Variants in PIEZO2 observed in about 807,000 individuals in gnomAD.
PIEZO2 encodes piezo-type mechanosensitive ion channel component 2.
In PIEZO2, 172 loss-of-function variants were observed where a neutral mutation model predicts 337.3. That is an observed-to-expected ratio of 0.51 (90% CI 0.45 to 0.58). PIEZO2 has a LOEUF of 0.58. Among genes scored for constraint, PIEZO2 ranks in the 20% least tolerant of loss-of-function variants. PIEZO2 has a pLI of 0.00. For missense variants in PIEZO2, 3,028 were observed against 3,391.3 expected, an observed-to-expected ratio of 0.89 and a Z score of 2.66; for synonymous variants, 1,251 against 1,228.5, an observed-to-expected ratio of 1.02 and a Z score of -0.38.
intron 7 of PIEZO2, among the ~76,000 whole-genome samples, chr18:10,811,380 C>A (rs1216886009): frequency 6.6e-6 from 1 of 152,150 alleles, no homozygotes; most frequent in Non-Finnish European, 1.5e-5. Context: ...TGTCTTGTCA[C>A]CTTGCGTTTA....
chr18:10,787,266 T>C, intron 15 of PIEZO2, 82 bp from the exon 16 acceptor site: 1 of 1,257,206 alleles, frequency 8.0e-7, no homozygotes, highest in Non-Finnish European at 1.1e-6. Flanking sequence ...TTAATTCAAG[T>C]AAGACAAGTG....
chr18:10,806,906 G>A lies in PIEZO2; in HGVS notation c.1080+206C>T, dbSNP rs184068852. 4.3e-3 allele frequency among the ~76,000 whole-genome samples: 658 copies of A among 152,296 alleles called. 4 individuals carry two copies. The highest frequency in any genetic ancestry group is 0.016 in the Admixed American group (242 of 15,296). The stretch of plus-strand genomic sequence containing the variant: ...TGCCTGCCATTCTTACCAGCAGTTT[G>A]TGGTAGTAAAGGGAAGCTAGTCTTT... On this transcript the variant is annotated intron_variant, in intron 8 of 55. Coordinates refer to ENST00000674853, the MANE Select transcript of PIEZO2 (RefSeq NM_001378183.1).
In PIEZO2 at chr18:11,101,404, T is replaced by C. The variant is rs2039414728; in HGVS notation, c.65-35182A>G. Among the ~76,000 whole-genome samples, 1 of 152,210 alleles carries C rather than the reference T, an allele frequency of 6.6e-6. No individual in the cohort carries two copies. Among genetic ancestry groups the C allele is most frequent in the Non-Finnish European group, 1.5e-5 (1 of 68,042 alleles). On this transcript the variant is annotated intron_variant, in intron 1 of 55. Coordinates refer to ENST00000674853, the MANE Select transcript of PIEZO2 (RefSeq NM_001378183.1). The surrounding 1 kb of genome is among the most constrained non-coding windows in gnomAD (Gnocchi z 4.4). ...GAAACGGAAGTGGTTCCCTTAAAGT[T>C]ATAGGATAACATAAAAAACCTCTGT...
chr18:10,788,505 G>GT (rs201900272), intron 15 of PIEZO2, among the ~76,000 whole-genome samples: 2 of 30,744 alleles, frequency 6.5e-5, no homozygotes, highest in African/African-American at 1.9e-4. Context: ...CAATTTTACA[G>GT]ATTTTTTTTG....
Position 10,724,705 on chromosome 18 carries a change from C to T in PIEZO2, c.5030-6446G>A, listed in dbSNP as rs1482064960. The T allele has an allele frequency of 1.5e-6, 2 of 1,292,160 alleles. No individual in the cohort carries two copies. The highest frequency in any genetic ancestry group is 2.2e-6 in the Non-Finnish European group (2 of 927,054). 80.0% of individuals were successfully genotyped at this position (1,292,160 alleles called of 1,614,324 possible). ...GCTGTCCCTGCGTCATAGGCTGAAG[C>T]ACTCAGACCGAGATGGGCCACCACT... On this transcript the variant is annotated intron_variant, in intron 36 of 55. Transcript: ENST00000674853. The surrounding 1 kb of genome is among the most constrained non-coding windows in gnomAD (Gnocchi z 5.8).
In PIEZO2 at chr18:10,980,131, A is replaced by G. The variant is rs2034609928; in HGVS notation, c.161-471T>C. Among the ~76,000 whole-genome samples the G allele has an allele frequency of 2.0e-5, 3 of 152,026 alleles. No homozygotes were observed. The highest frequency in any genetic ancestry group is 2.0e-4 in the Admixed American group (3 of 15,266). The stretch of plus-strand genomic sequence containing the variant: ...ATTATAACCCCATGTTACTCATAAC[A>G]TAGATATGAATTATTTTTTTTAAAT... On this transcript the variant is annotated intron_variant, in intron 2 of 55. Coordinates refer to ENST00000674853, the MANE Select transcript of PIEZO2 (RefSeq NM_001378183.1). The surrounding 1 kb of genome is among the most constrained non-coding windows in gnomAD (Gnocchi z 4.8).
At chr18:11,060,510 C>T (rs1293222738) in intron 2 of PIEZO2, among the ~76,000 whole-genome samples, 2 of 151,914 alleles carry the variant, frequency 1.3e-5, no homozygotes, top group African/African-American at 4.8e-5. Flanking sequence ...AGACTGCTAG[C>T]AAGACTAATA....
chr18:10,888,239 T>C lies in PIEZO2; in HGVS notation c.330-16824A>G, dbSNP rs2042663438. On this transcript the variant is annotated intron_variant, in intron 4 of 55. Coordinates refer to ENST00000674853, the MANE Select transcript of PIEZO2 (RefSeq NM_001378183.1). The surrounding 1 kb of genome is among the most constrained non-coding windows in gnomAD (Gnocchi z 4.1). Reference sequence around the variant, plus strand: ...TCAGTGTGGATGCATGAACTTCTCTTTTATTAGATAGACTGTATTTGAAAC... The same window carrying C: ...TCAGTGTGGATGCATGAACTTCTCTCTTATTAGATAGACTGTATTTGAAAC... 6.6e-6 allele frequency among the ~76,000 whole-genome samples: 1 copy of C among 152,184 alleles called. No homozygotes were observed. Among genetic ancestry groups the C allele is most frequent in the Admixed American group, 6.5e-5 (1 of 15,282 alleles).
At chr18:11,103,107 T>C (rs1281860056) in intron 1 of PIEZO2, among the ~76,000 whole-genome samples, 2 of 152,080 alleles carry the variant, frequency 1.3e-5, no homozygotes, top group African/African-American at 4.8e-5. Flanking sequence ...TTCTTGACAA[T>C]GAGAGGGGAG....
rs1408217258 is a variant in PIEZO2, at chr18:10,870,835, G to A, written c.492+418C>T. Among the ~76,000 whole-genome samples the A allele has an allele frequency of 2.6e-5, 4 of 152,168 alleles. No homozygotes were observed. The highest frequency in any genetic ancestry group is 9.7e-5 in the African/African-American group (4 of 41,422). ...TGAGCAGGACAAGGTGCACAGACTG[G>A]AAAGCTGCCCTGCAAGGAGGAACTC... On this transcript the variant is annotated intron_variant, in intron 5 of 55. Transcript: ENST00000674853. This position sits in a 1 kb window ranked among gnomAD's most constrained non-coding sequence, Gnocchi z 5.3.
intron 36 of PIEZO2, among the ~76,000 whole-genome samples, chr18:10,720,209 T>TATATATGA (rs1567982902): frequency 6.8e-6 from 1 of 146,202 alleles, no homozygotes; most frequent in African/African-American, 2.6e-5. Context: ...TATATATATG[T>TATATATGA]ATATATGAAT....
intron 4 of PIEZO2, among the ~76,000 whole-genome samples, chr18:10,886,058 G>C (rs1003142048): frequency 9.9e-5 from 15 of 151,806 alleles, no homozygotes; most frequent in African/African-American, 3.4e-4. Context: ...AGGACAAGCA[G>C]TTTTGGAGAT....
At position 10,671,782 on chromosome 18, in the gene PIEZO2, G is replaced by GA. The variant is rs1277288922; in HGVS notation, c.8346-4dup. 8 of 1,587,730 alleles carry GA rather than the reference G, an allele frequency of 5.0e-6. No homozygotes were observed. Among genetic ancestry groups the GA allele is most frequent in the East Asian group, 4.5e-5 (2 of 44,318 alleles). ...CTGAAGCATATAATCCCATAATACT[G>GA]AAAAAAACAGTAAGTAGAAATTGCA... On this transcript the variant is annotated splice_polypyrimidine_tract_variant and splice_region_variant and intron_variant, in intron 55 of 55. Transcript: ENST00000674853.
intron 4 of PIEZO2, among the ~76,000 whole-genome samples, chr18:10,891,656 T>G (rs73943055): frequency 0.02 from 3,010 of 152,262 alleles, 117 homozygotes; most frequent in African/African-American, 0.069. Flanking sequence ...TAGGCTAAAA[T>G]GTTTTCAGAG....
intron 38 of PIEZO2, among the ~76,000 whole-genome samples, chr18:10,715,314 T>C (rs924805830): frequency 1.5e-4 from 23 of 152,336 alleles, no homozygotes; most frequent in Non-Finnish European, 1.0e-4. Context: ...AACACCACTT[T>C]CTACACTTTC....
rs920972659 is a variant in PIEZO2 at position 10,813,241 on chromosome 18, A to G, written c.918-5967T>C. 1.3e-5 allele frequency among the ~76,000 whole-genome samples: 2 copies of G among 152,178 alleles called. No homozygotes were observed. Among genetic ancestry groups the G allele is most frequent in the African/African-American group, 4.8e-5 (2 of 41,438 alleles). On this transcript the variant is annotated intron_variant, in intron 7 of 55. Transcript: ENST00000674853. This position sits in a 1 kb window ranked among gnomAD's most constrained non-coding sequence, Gnocchi z 4.2. The stretch of plus-strand genomic sequence containing the variant: ...TGATTTGCCCGCCTGGGCCTCCCAA[A>G]GTGCTGGCATTACAGGAGTGAGCCA...
chr18:10,856,963 G>A lies in PIEZO2; in HGVS notation c.703+38C>T. On this transcript the variant is annotated intron_variant, in intron 6 of 55. Transcript: ENST00000674853. This position sits in a 1 kb window ranked among gnomAD's most constrained non-coding sequence, Gnocchi z 4.7. Reference sequence around the variant, plus strand: ...TCTCATTCACCAAAGCACTGCTTGTGCCTTTTGCTACGTGCAGCCAGTGTG... The same window carrying A: ...TCTCATTCACCAAAGCACTGCTTGTACCTTTTGCTACGTGCAGCCAGTGTG... 3 of 1,508,486 alleles carry A rather than the reference G, an allele frequency of 2.0e-6. No homozygotes were observed. The highest frequency in any genetic ancestry group is 2.7e-6 in the Non-Finnish European group (3 of 1,121,304). The allele number at this position is 1,508,486 out of a possible 1,614,324, so 93.4% of individuals were successfully genotyped here. A position where few individuals can be genotyped will look rare whatever the true frequency, so the allele number is the denominator to read the frequency against.
intron 49 of PIEZO2, among the ~76,000 whole-genome samples, chr18:10,685,797 G>T (rs549677215): frequency 4.5e-4 from 68 of 152,318 alleles, no homozygotes; most frequent in African/African-American, 1.6e-3. Flanking sequence ...GGCAGCTCTT[G>T]TACCTAAAGG....
chr18:11,057,626 T>C (rs978277809), intron 2 of PIEZO2, among the ~76,000 whole-genome samples: 35 of 152,184 alleles, frequency 2.3e-4, no homozygotes, highest in African/African-American at 8.0e-4. Context: ...GGGCCGCAGA[T>C]AGCTCCCTGG....
Sources: gnomAD v4.1 joint callset for allele counts (sites outside exome capture counted in the v4.1 genomes callset) on GRCh38, gnomAD v4.1.1 for gene constraint, Gnocchi (gnomAD v3.1) non-coding constraint, MANE v1.5 for transcripts, NCBI Gene and HGNC (gene_info 2026-07-23, HGNC 2026-07-21) for gene names.